Variants in PDE1C observed in about 807,000 individuals in gnomAD.
The protein encoded by PDE1C is phosphodiesterase 1C.
A neutral mutation model predicts 93.1 loss-of-function variants in PDE1C; 62 were observed. The ratio of observed to expected loss-of-function variants is 0.67; its 90% CI spans 0.54 to 0.82. PDE1C has a LOEUF of 0.82. Among genes scored for constraint, PDE1C ranks in the 40% least tolerant of loss-of-function variants. The probability of loss-of-function intolerance (pLI) is 0.00; values close to 1 mark genes in which losing one functional copy is unlikely to be tolerated. For synonymous variants in PDE1C, 325 were observed against 310.1 expected (o/e 1.05, Z -0.50); for missense variants, 742 against 884.6 (o/e 0.84, Z 2.04).
chr7:32,236,968 G>T (rs1459135028), intron 1 of PDE1C, among the ~76,000 whole-genome samples: 1 of 151,648 alleles, frequency 6.6e-6, no homozygotes, highest in East Asian at 1.9e-4. Context: ...CCATACAAAG[G>T]AGAAAGCTAC....
At chr7:32,041,601 G>A (rs886455470) in intron 2 of PDE1C, among the ~76,000 whole-genome samples, 7 of 152,110 alleles carry the variant, frequency 4.6e-5, no homozygotes, top group Non-Finnish European at 7.4e-5. Flanking sequence ...TCTCTTATCC[G>A]ATTCTATTTT....
intron 3 of PDE1C, among the ~76,000 whole-genome samples, chr7:32,163,219 T>G (rs752136331): frequency 3.9e-5 from 6 of 152,096 alleles, no homozygotes; most frequent in Non-Finnish European, 7.4e-5. Context: ...AATTGGGAAT[T>G]TTAACCCATG....
chr7:31,679,307 G>C, the PDE1C span, among the ~76,000 whole-genome samples: 1 of 152,280 alleles, frequency 6.6e-6, no homozygotes, highest in Non-Finnish European at 1.5e-5. Flanking sequence ...TGGGCTTTAT[G>C]AGTATAGTAA....
At chr7:31,835,990 T>C (rs1273903855) in intron 11 of PDE1C, among the ~76,000 whole-genome samples, 1 of 152,236 alleles carries the variant, frequency 6.6e-6, no homozygotes, top group Non-Finnish European at 1.5e-5. Flanking sequence ...CGGGACGAAG[T>C]TGTGACTTGT....
chr7:32,074,144 T>G (rs1025766163), upstream of PDE1C, among the ~76,000 whole-genome samples: 1 of 152,152 alleles, frequency 6.6e-6, no homozygotes, highest in Non-Finnish European at 1.5e-5. Context: ...ACTGTCAGAA[T>G]TAAGTATCAC....
chr7:32,011,271 CA>C (rs1052699722), intron 2 of PDE1C, among the ~76,000 whole-genome samples: 1 of 151,934 alleles, frequency 6.6e-6, no homozygotes, highest in African/African-American at 2.4e-5. Flanking sequence ...CAGTTCACTG[CA>C]AGTTCCACCT....
At chr7:31,627,156 G>A in the PDE1C span, among the ~76,000 whole-genome samples, 3 of 152,276 alleles carry the variant, frequency 2.0e-5, no homozygotes, top group East Asian at 3.9e-4. Context: ...CAATGGCTGG[G>A]CTGTGTCTTT....
At chr7:32,002,626 A>G (rs1364427055) in intron 2 of PDE1C, among the ~76,000 whole-genome samples, 1 of 152,196 alleles carries the variant, frequency 6.6e-6, no homozygotes, top group East Asian at 1.9e-4. Flanking sequence ...TTAAACAAAA[A>G]CCATAGCCAG....
At chr7:31,737,852 C>T in the PDE1C span, among the ~76,000 whole-genome samples, 1 of 148,712 alleles carries the variant, frequency 6.7e-6, no homozygotes. Context: ...TTCAAAAACA[C>T]TCTAGTTTTG....
At chr7:31,757,193 G>T (rs1305218594) in intron 17 of PDE1C, among the ~76,000 whole-genome samples, 1 of 152,120 alleles carries the variant, frequency 6.6e-6, no homozygotes. Context: ...AAATGAAAAA[G>T]CAGGATATAT....
chr7:32,324,676 C>G (rs542596030), intron 1 of PDE1C, among the ~76,000 whole-genome samples: 1 of 152,288 alleles, frequency 6.6e-6, no homozygotes, highest in South Asian at 2.1e-4. Context: ...AGGTTGGGCG[C>G]GGTGGCTCAT....
the PDE1C span, among the ~76,000 whole-genome samples, chr7:31,691,549 T>C: frequency 6.6e-6 from 1 of 151,912 alleles, no homozygotes; most frequent in Non-Finnish European, 1.5e-5. Flanking sequence ...CTGACACATA[T>C]CCATTCTGGA....
chr7:32,221,115 G>A (rs1335541180), intron 1 of PDE1C, among the ~76,000 whole-genome samples: 1 of 152,170 alleles, frequency 6.6e-6, no homozygotes, highest in African/African-American at 2.4e-5. Context: ...AGACCCTTGA[G>A]CCTTCTCTTC....
chr7:32,148,158 G>A (rs2128787780), intron 3 of PDE1C, among the ~76,000 whole-genome samples: 2 of 152,076 alleles, frequency 1.3e-5, no homozygotes, highest in South Asian at 4.2e-4. Flanking sequence ...GGCAATCTGT[G>A]CTAATCTCAC....
intron 1 of PDE1C, among the ~76,000 whole-genome samples, chr7:32,274,012 G>A (rs943640598): frequency 1.3e-5 from 2 of 152,038 alleles, no homozygotes; most frequent in African/African-American, 4.8e-5. Flanking sequence ...GATTGCTTGG[G>A]CAGAAACATA....
chr7:31,878,870 G>A lies in PDE1C; in HGVS notation c.425+126C>T. ...TGCCATTTCTCATTCAAGACTATCTGTTTCTACCCACAATTTTCAGTATTT... is the reference window on the plus strand; with the variant it reads ...TGCCATTTCTCATTCAAGACTATCTATTTCTACCCACAATTTTCAGTATTT... On this transcript the variant is annotated intron_variant, in intron 4 of 17. Transcript: ENST00000396191. 3.3e-6 allele frequency: 3 copies of A among 909,332 alleles called. No homozygotes were observed. In the Admixed American group the frequency reaches 7.0e-5, roughly 21 times the overall value. 56.3% of individuals were successfully genotyped at this position (909,332 alleles called of 1,614,324 possible). A position where few individuals can be genotyped will look rare whatever the true frequency, so the allele number is the denominator to read the frequency against.
intron 2 of PDE1C, among the ~76,000 whole-genome samples, chr7:32,044,191 G>T (rs1214762082): frequency 6.6e-6 from 1 of 152,186 alleles, no homozygotes; most frequent in East Asian, 1.9e-4. Context: ...AGTTTCCATT[G>T]AAAGGGATGG....
chr7:31,899,515 A>C (rs1238074285), intron 2 of PDE1C, among the ~76,000 whole-genome samples: 1 of 152,136 alleles, frequency 6.6e-6, no homozygotes, highest in Non-Finnish European at 1.5e-5. Flanking sequence ...TGATAGTGTA[A>C]GCCCCGGGAG....
chr7:32,394,545 T>C (rs1784807664), intron 1 of PDE1C, among the ~76,000 whole-genome samples: 1 of 152,224 alleles, frequency 6.6e-6, no homozygotes, highest in Admixed American at 6.5e-5. Context: ...CATTGACTCA[T>C]GCCTGTAATC....
Sources: gnomAD v4.1 joint callset for allele counts (sites outside exome capture counted in the v4.1 genomes callset) on GRCh38, gnomAD v4.1.1 for gene constraint, MANE v1.5 for transcripts, NCBI Gene and HGNC (gene_info 2026-07-23, HGNC 2026-07-21) for gene names.